The following NCAM1 variants were observed in gnomAD, a reference collection of about 807,000 sequenced individuals.
NCAM1 encodes the protein neural cell adhesion molecule 1.
Under a neutral mutation model 109.8 loss-of-function variants are expected in NCAM1, and 14 were observed. That is an observed-to-expected ratio of 0.13 (90% CI 0.08 to 0.20). The LOEUF is 0.20. NCAM1 is among the 10% of genes least tolerant of loss of function. The pLI, the probability that NCAM1 is intolerant of heterozygous loss-of-function variation, is 1.00. For synonymous variants in NCAM1, 418 were observed against 442.9 expected, an observed-to-expected ratio of 0.94 and a Z score of 0.70; for missense variants, 774 against 1,109.9, an observed-to-expected ratio of 0.70 and a Z score of 4.30.
chr11:113,053,713 G>A (rs1357373325), intron 1 of NCAM1, among the ~76,000 whole-genome samples: 1 of 152,080 alleles, frequency 6.6e-6, no homozygotes, highest in Non-Finnish European at 1.5e-5. Context: ...GATGCCTCTG[G>A]TCTGTCCCTG....
At chr11:113,262,256 C>G (rs1281825229) in intron 17 of NCAM1, among the ~76,000 whole-genome samples, 1 of 152,156 alleles carries the variant, frequency 6.6e-6, no homozygotes, top group African/African-American at 2.4e-5. Context: ...GGAAGAAAAG[C>G]CTGCTTCATC....
At chr11:113,165,557 C>T (rs1450941470) in intron 1 of NCAM1, among the ~76,000 whole-genome samples, 4 of 152,120 alleles carry the variant, frequency 2.6e-5, no homozygotes, top group Non-Finnish European at 4.4e-5. Context: ...GACATCTGGT[C>T]GTAGCTGGGA....
intron 1 of NCAM1, among the ~76,000 whole-genome samples, chr11:113,176,029 A>G (rs1278055017): frequency 6.6e-6 from 1 of 152,196 alleles, no homozygotes; most frequent in African/African-American, 2.4e-5. Flanking sequence ...CATAACTAGT[A>G]TAAAATAAAG....
At chr11:113,135,157 T>C (rs1941552517) in intron 1 of NCAM1, among the ~76,000 whole-genome samples, 1 of 152,174 alleles carries the variant, frequency 6.6e-6, no homozygotes, top group African/African-American at 2.4e-5. Flanking sequence ...TTGGTAACGC[T>C]GGAGCTTGTG....
At chr11:113,210,389 G>A (rs1350856236) in intron 7 of NCAM1, among the ~76,000 whole-genome samples, 1 of 152,100 alleles carries the variant, frequency 6.6e-6, no homozygotes, top group Non-Finnish European at 1.5e-5. Context: ...ACCGAGGCAG[G>A]TGGCTCCTAA....
At chr11:113,203,605 CCA>C (rs1412699336) in intron 2 of NCAM1, among the ~76,000 whole-genome samples, 1 of 152,232 alleles carries the variant, frequency 6.6e-6, no homozygotes, top group Non-Finnish European at 1.5e-5. Context: ...AGCTCAGCCA[CCA>C]CAGTCTGTTC....
intron 1 of NCAM1, among the ~76,000 whole-genome samples, chr11:112,977,115 T>G (rs1951028637): frequency 1.4e-4 from 2 of 14,426 alleles, no homozygotes; most frequent in Non-Finnish European, 2.1e-3. Context: ...TTGGAAACTT[T>G]GGTAAAAAAA....
intron 1 of NCAM1, among the ~76,000 whole-genome samples, chr11:112,971,391 T>C (rs1011211845): frequency 6.6e-6 from 1 of 152,004 alleles, no homozygotes; most frequent in Non-Finnish European, 1.5e-5. Flanking sequence ...AAGCAGTCTG[T>C]AGTGGAGTAA....
chr11:113,052,784 C>G (rs1953553880), intron 1 of NCAM1, among the ~76,000 whole-genome samples: 3 of 152,126 alleles, frequency 2.0e-5, no homozygotes, highest in African/African-American at 7.2e-5. Context: ...CTGCACCTAT[C>G]AACTCATCGC....
At chr11:113,046,928 G>A (rs1953290519) in intron 1 of NCAM1, among the ~76,000 whole-genome samples, 1 of 152,110 alleles carries the variant, frequency 6.6e-6, no homozygotes, top group Non-Finnish European at 1.5e-5. Flanking sequence ...ATAGATAGAT[G>A]GTTAGATCAA....
intron 5 of NCAM1, among the ~76,000 whole-genome samples, 189 bp downstream of exon 5, chr11:113,206,369 G>C (rs1223432471): frequency 7.2e-6 from 1 of 138,736 alleles, no homozygotes; most frequent in Non-Finnish European, 1.5e-5. Context: ...ATACTTGCCT[G>C]TTGGATCTTC....
Position 113,271,813 on chromosome 11 carries a change from C to T in NCAM1, c.2393C>T (p.Thr798Ile), listed in dbSNP as rs558330505. Reference protein sequence around the residue: ...IVEVRTEEERTPNHDGGKHTE... With the variant: ...IVEVRTEEERIPNHDGGKHTE... Reference sequence around the variant, plus strand: ...GAGGTTCGAACGGAGGAGGAGAGGACCCCAAACCATGATGGAGGGAAACAC... The same window carrying T: ...GAGGTTCGAACGGAGGAGGAGAGGATCCCAAACCATGATGGAGGGAAACAC... Residue 798 changes from threonine to isoleucine, a missense_variant, in exon 19 of 20, where the codon ACC (threonine) becomes ATC (isoleucine). Thr to Ile is a moderately conservative substitution (Grantham distance 89, BLOSUM62 -1). Coordinates refer to ENST00000316851, the MANE Select transcript of NCAM1 (RefSeq NM_181351.5). 1.3e-6 allele frequency: 2 copies of T among 1,572,402 alleles called. No individual in the cohort carries two copies. The highest frequency in any genetic ancestry group is 1.9e-5 in the Admixed American group (1 of 53,844).
intron 1 of NCAM1, chr11:113,041,021 G>A (rs1276099755): frequency 1.3e-5 from 2 of 152,128 alleles, no homozygotes; most frequent in Non-Finnish European, 2.9e-5. Context: ...CAAGGAAATA[G>A]CATGGCATAG....
At position 113,256,000 on chromosome 11, in the gene NCAM1, C is replaced by A; in HGVS notation, c.1952C>A (p.Ala651Glu). 2 of 1,596,624 alleles carry A rather than the reference C, an allele frequency of 1.3e-6. No individual in the cohort carries two copies. Among genetic ancestry groups the A allele is most frequent in the South Asian group, 2.3e-5 (2 of 87,920 alleles). The part of the protein sequence containing the change: ...PIRHYLVRYR[A>E]LSSEWKPEIR... The stretch of plus-strand genomic sequence containing the variant: ...AGACACTATCTGGTCAGGTACCGAG[C>A]GGTGAGTGGCCTCCTTCTCAGACTT... The change falls in exon 16 of 20, where the codon GCG becomes GAG. Residue 651 changes from alanine (A) to glutamate (E), a missense_variant and splice_region_variant. By Grantham distance (107) the Ala-to-Glu change is moderately radical. Coordinates refer to ENST00000316851, the MANE Select transcript of NCAM1 (RefSeq NM_181351.5).
intron 1 of NCAM1, among the ~76,000 whole-genome samples, chr11:113,165,555 G>A (rs781372939): frequency 1.4e-4 from 22 of 152,214 alleles, no homozygotes; most frequent in Non-Finnish European, 3.1e-4. Flanking sequence ...GAGACATCTG[G>A]TCGTAGCTGG....
At chr11:113,110,506 G>C (rs1275843153) in intron 1 of NCAM1, among the ~76,000 whole-genome samples, 2 of 152,080 alleles carry the variant, frequency 1.3e-5, no homozygotes, top group African/African-American at 4.8e-5. Flanking sequence ...AAGGTTATAG[G>C]GTTTGGGTCA....
intron 1 of NCAM1, among the ~76,000 whole-genome samples, chr11:113,010,703 A>G (rs1010339416): frequency 3.9e-5 from 6 of 152,238 alleles, no homozygotes; most frequent in Non-Finnish European, 8.8e-5. Context: ...GTATTTAATT[A>G]CTCAAAATAT....
chr11:113,206,071 C>T lies in NCAM1; in HGVS notation c.519C>T (p.Tyr173=). ...GATTCATAGTCCTGTCCAACAACTA[C>T]CTGCAGATCCGGGGCATCAAGAAAA... ...DVRFIVLSNN[Y]LQIRGIKKTD... Residue 173 remains tyrosine, a synonymous_variant, in exon 5 of 20, where the codon TAC becomes TAT. Coordinates refer to ENST00000316851, the MANE Select transcript of NCAM1 (RefSeq NM_181351.5). 6.2e-7 allele frequency: 1 copy of T among 1,613,970 alleles called. No homozygotes were observed.
chr11:113,153,473 A>AGTGT (rs782703452), intron 1 of NCAM1, among the ~76,000 whole-genome samples: 5 of 148,748 alleles, frequency 3.4e-5, no homozygotes, highest in Non-Finnish European at 6.0e-5. Flanking sequence ...AGAGAGAGAG[A>AGTGT]GAGTGTGTGT....
Sources: gnomAD v4.1 joint callset for allele counts (sites outside exome capture counted in the v4.1 genomes callset) on GRCh38, gnomAD v4.1.1 for gene constraint, MANE v1.5 for transcripts, NCBI Gene and HGNC (gene_info 2026-07-23, HGNC 2026-07-21) for gene names.